The following DLEU7 variants were observed in gnomAD, a reference collection of about 807,000 sequenced individuals.
The protein encoded by DLEU7 is leukemia-associated protein 7.
A neutral mutation model predicts 16.0 loss-of-function variants in DLEU7; 17 were observed. The observed-to-expected ratio is 1.06, with a 90% CI of 0.73 to 1.59. DLEU7 has a LOEUF of 1.59. DLEU7 is among the 40% of genes most tolerant of loss of function. DLEU7 has a pLI of 0.00. For synonymous variants in DLEU7, 113 were observed against 139.8 expected, an observed-to-expected ratio of 0.81 and a Z score of 1.35; for missense variants, 308 against 314.9, an observed-to-expected ratio of 0.98 and a Z score of 0.17.
chr13:50,749,344 G>A (rs1874493723), intron 1 of DLEU7, among the ~76,000 whole-genome samples: 1 of 151,956 alleles, frequency 6.6e-6, no homozygotes, highest in Non-Finnish European at 1.5e-5. Flanking sequence ...TGATTGATGG[G>A]CATTTGGGTT....
Position 50,817,783 on chromosome 13 carries a change from A to G in DLEU7, c.459+25405T>C, listed in dbSNP as rs144290437. Among the ~76,000 whole-genome samples the G allele has an allele frequency of 1.9e-3, 295 of 152,220 alleles. 1 individual carries two copies. The highest frequency in any genetic ancestry group is 0.01 in the Middle Eastern group (3 of 294). On this transcript the variant is annotated intron_variant, in intron 1 of 1. Coordinates refer to the DLEU7 transcript ENST00000400393. Reference sequence around the variant, plus strand: ...ATCAAGAAATGGAAAACAGCCAAAGAAACCTGAAGATAGTTCCTCAATCAG... The same window carrying G: ...ATCAAGAAATGGAAAACAGCCAAAGGAACCTGAAGATAGTTCCTCAATCAG...
intron 1 of DLEU7, among the ~76,000 whole-genome samples, chr13:50,732,293 CT>C (rs1192342815): frequency 6.6e-6 from 1 of 152,116 alleles, no homozygotes; most frequent in Non-Finnish European, 1.5e-5. Flanking sequence ...TCACGTCTCA[CT>C]TACTGTATTG....
intron 1 of DLEU7, among the ~76,000 whole-genome samples, chr13:50,824,507 C>T (rs938195259): frequency 6.6e-6 from 1 of 152,170 alleles, no homozygotes; most frequent in African/African-American, 2.4e-5. Context: ...AGAGAAATCT[C>T]TCAGAAGCCA....
At chr13:50,741,555 A>T (rs1874249570) in intron 1 of DLEU7, among the ~76,000 whole-genome samples, 1 of 152,222 alleles carries the variant, frequency 6.6e-6, no homozygotes, top group Non-Finnish European at 1.5e-5. Flanking sequence ...ACCTCTATCT[A>T]CATCAACATT....
intron 1 of DLEU7, among the ~76,000 whole-genome samples, chr13:50,744,822 C>T (rs888675431): frequency 1.3e-5 from 2 of 152,164 alleles, no homozygotes; most frequent in Non-Finnish European, 2.9e-5. Context: ...TAAAAAGATA[C>T]TCAGCATCAC....
downstream of DLEU7, among the ~76,000 whole-genome samples, chr13:50,819,344 G>C (rs1876828298): frequency 6.6e-6 from 1 of 152,122 alleles, no homozygotes. Context: ...TGTGTAGTAG[G>C]AGATGGTTCC....
chr13:50,765,564 G>T (rs1000189403), intron 1 of DLEU7, among the ~76,000 whole-genome samples: 1 of 151,924 alleles, frequency 6.6e-6, no homozygotes, highest in African/African-American at 2.4e-5. Context: ...CTGGGGGAGA[G>T]AAGAGTAAAA....
chr13:50,725,701 G>A lies in DLEU7; in HGVS notation c.460-12461C>T, dbSNP rs190519334. On this transcript the variant is annotated intron_variant, in intron 1 of 1. Transcript: ENST00000400393. ...CGGGGGCATGGGAGGGGAAGGAGAC[G>A]CCGTGTCCACCTACAGCCATGGTTC... 6.0e-4 allele frequency among the ~76,000 whole-genome samples: 91 copies of A among 152,242 alleles called. 1 individual carries two copies. Among genetic ancestry groups the A allele is most frequent in the African/African-American group, 2.2e-3 (90 of 41,538 alleles).
At chr13:50,792,433 TC>T (rs1470364224) in intron 1 of DLEU7, among the ~76,000 whole-genome samples, 1 of 152,130 alleles carries the variant, frequency 6.6e-6, no homozygotes, top group Non-Finnish European at 1.5e-5. Flanking sequence ...CAATGCAACT[TC>T]CCTTTAGCTA....
Position 50,772,115 on chromosome 13 carries a change from T to C in DLEU7, c.460-58875A>G, listed in dbSNP as rs1319021154. Among the ~76,000 whole-genome samples, 13 of 152,202 alleles carry C rather than the reference T, an allele frequency of 8.5e-5. 1 individual carries two copies. The highest frequency in any genetic ancestry group is 1.3e-4 in the Non-Finnish European group (9 of 68,034). On this transcript the variant is annotated intron_variant, in intron 1 of 1. Coordinates refer to the DLEU7 transcript ENST00000400393. ...TGCTTTTTTGTTGTTTTCCATTTGCTTGGTAGATCTTCCTCCATCCCTTTA... is the reference window on the plus strand; with the variant it reads ...TGCTTTTTTGTTGTTTTCCATTTGCCTGGTAGATCTTCCTCCATCCCTTTA...
At chr13:50,821,507 ACAC>A (rs1390443573), downstream of DLEU7, among the ~76,000 whole-genome samples, 1 of 152,168 alleles carries the variant, frequency 6.6e-6, no homozygotes, top group Non-Finnish European at 1.5e-5. Flanking sequence ...CATGTGATAA[ACAC>A]CAGAAAAGTA....
chr13:50,824,882 C>T (rs1010844273), intron 1 of DLEU7, among the ~76,000 whole-genome samples: 9 of 152,042 alleles, frequency 5.9e-5, no homozygotes, highest in East Asian at 5.8e-4. Context: ...TACAATCTAC[C>T]GTGATATAGC....
At chr13:50,766,171 T>C (rs1443016810) in intron 1 of DLEU7, among the ~76,000 whole-genome samples, 1 of 152,222 alleles carries the variant, frequency 6.6e-6, no homozygotes, top group Non-Finnish European at 1.5e-5. Flanking sequence ...AATTAACCTA[T>C]GTTGATTAAG....
chr13:50,758,568 G>A (rs1321869244), intron 1 of DLEU7, among the ~76,000 whole-genome samples: 1 of 152,236 alleles, frequency 6.6e-6, no homozygotes, highest in Non-Finnish European at 1.5e-5. Flanking sequence ...GGCTGGGGCT[G>A]TGGGGCTGTG....
At chr13:50,766,663 T>C (rs1875120996) in intron 1 of DLEU7, among the ~76,000 whole-genome samples, 1 of 152,126 alleles carries the variant, frequency 6.6e-6, no homozygotes, top group Admixed American at 6.5e-5. Context: ...TCCCTAGGCC[T>C]AGGGAATTGG....
chr13:50,712,955 C>T (rs1191314341), exon 2 of DLEU7: 1 of 454,112 alleles, frequency 2.2e-6, no homozygotes. Context: ...CTAATTGGAG[C>T]AAGATGACAG....
chr13:50,772,432 C>T (rs1461634664), intron 1 of DLEU7, among the ~76,000 whole-genome samples: 1 of 152,170 alleles, frequency 6.6e-6, no homozygotes, highest in Non-Finnish European at 1.5e-5. Flanking sequence ...TTTAGTGCTT[C>T]CTTCAAGAGC....
In DLEU7 at chr13:50,838,018, A is replaced by G. The variant is rs1877528805; in HGVS notation, c.459+5170T>C. Among the ~76,000 whole-genome samples the G allele has an allele frequency of 1.3e-5, 2 of 152,312 alleles. 1 individual carries two copies. Among genetic ancestry groups the G allele is most frequent in the South Asian group, 4.1e-4 (2 of 4,832 alleles). On this transcript the variant is annotated intron_variant, in intron 1 of 1. Transcript: ENST00000504404. The stretch of plus-strand genomic sequence containing the variant: ...GGCAGTAGAAAATATAAGGAGAGAG[A>G]AAATTGATAGAAACAGGTCCAGGGG...
At chr13:50,725,531 T>G (rs1490522596) in intron 1 of DLEU7, among the ~76,000 whole-genome samples, 1 of 152,296 alleles carries the variant, frequency 6.6e-6, no homozygotes, top group African/African-American at 2.4e-5. Context: ...TGGAATTAGC[T>G]ATCTATGAGA....
Sources: gnomAD v4.1 joint callset for allele counts (sites outside exome capture counted in the v4.1 genomes callset) on GRCh38, gnomAD v4.1.1 for gene constraint, MANE v1.5 for transcripts, NCBI Gene and HGNC (gene_info 2026-07-23, HGNC 2026-07-21) for gene names.